DMD: variants seen among roughly 807,000 people sequenced by gnomAD.
The protein encoded by DMD is mutant dystrophin.
In DMD, 63 loss-of-function variants were observed where a neutral mutation model predicts 330.1. The ratio of observed to expected loss-of-function variants is 0.19; its 90% confidence interval spans 0.16 to 0.24. The LOEUF is 0.24. DMD is among the 10% of genes least tolerant of loss of function. DMD has a pLI of 1.00. For synonymous variants in DMD, 1,223 were observed against 959.8 expected (o/e 1.27, Z -5.07); for missense variants, 3,344 against 2,684.1 (o/e 1.25, Z -5.43).
intron 62 of DMD, among the ~76,000 whole-genome samples, chrX:31,306,852 T>C: frequency 8.9e-6 from 1 of 111,789 alleles, no homozygotes; most frequent in Non-Finnish European, 1.9e-5. Flanking sequence ...ATATTGCTGG[T>C]CTGGGATTCA....
chrX:32,448,323 C>A, intron 27 of DMD, 133 bp downstream of exon 27: 1 of 676,255 alleles, frequency 1.5e-6, no homozygotes, highest in Non-Finnish European at 2.3e-6. Context: ...CAAAGTCATA[C>A]AACTTATAAG....
chrX:32,578,754 T>C (rs910549960), intron 13 of DMD, among the ~76,000 whole-genome samples: 6 of 111,503 alleles, frequency 5.4e-5, no homozygotes, highest in Non-Finnish European at 9.4e-5. Flanking sequence ...CGTTAAGAGA[T>C]AGAGTGTTCC....
chrX:31,458,051 T>G (rs1341010928), intron 59 of DMD, among the ~76,000 whole-genome samples: 2 of 111,920 alleles, frequency 1.8e-5, no homozygotes, highest in Non-Finnish European at 1.9e-5. Context: ...AAAAGCAGGA[T>G]GTTCAACTAC....
At chrX:31,582,745 T>C (rs1264251137) in intron 55 of DMD, among the ~76,000 whole-genome samples, 2 of 111,913 alleles carry the variant, frequency 1.8e-5, no homozygotes, top group East Asian at 2.8e-4. Context: ...GATTTAAAAA[T>C]TTGCCAACGG....
chrX:32,900,344 G>A (rs944652586), intron 2 of DMD, among the ~76,000 whole-genome samples: 2 of 110,901 alleles, frequency 1.8e-5, no homozygotes, highest in African/African-American at 6.6e-5. Flanking sequence ...TCATATTCTA[G>A]TCAATTTTTC....
intron 47 of DMD, among the ~76,000 whole-genome samples, chrX:31,908,707 C>A (rs929460320): frequency 9.1e-6 from 1 of 109,947 alleles, no homozygotes; most frequent in Non-Finnish European, 1.9e-5. Context: ...CCTAGAACTT[C>A]AAGTATATAT....
chrX:32,229,932 A>G (rs1374367603), intron 43 of DMD, among the ~76,000 whole-genome samples: 1 of 107,433 alleles, frequency 9.3e-6, no homozygotes, highest in Non-Finnish European at 1.9e-5. Context: ...TGTATAATAG[A>G]TCTCCAGAAT....
At chrX:32,298,667 C>A (rs1292867029) in intron 42 of DMD, among the ~76,000 whole-genome samples, 5 of 110,402 alleles carry the variant, frequency 4.5e-5, no homozygotes, top group Non-Finnish European at 3.8e-5. Flanking sequence ...CTTCCAAACC[C>A]AACCCTGTAG....
At chrX:33,020,778 G>A (rs1037057010) in intron 1 of DMD, among the ~76,000 whole-genome samples, 2 of 111,443 alleles carry the variant, frequency 1.8e-5, no homozygotes, top group Non-Finnish European at 3.8e-5. Flanking sequence ...GTATTTATTC[G>A]CCAGTTATGA....
At chrX:32,074,761 A>G (rs972647957) in intron 44 of DMD, among the ~76,000 whole-genome samples, 3 of 98,557 alleles carry the variant, frequency 3.0e-5, no homozygotes, top group African/African-American at 4.1e-5. Flanking sequence ...AGCACGTACA[A>G]GGAGGTAAAA....
intron 73 of DMD, among the ~76,000 whole-genome samples, chrX:31,171,824 C>T (rs1602355832): frequency 8.9e-6 from 1 of 111,790 alleles, no homozygotes; most frequent in Non-Finnish European, 1.9e-5. Flanking sequence ...TCTGGAAACT[C>T]TTCATAAGAT....
intron 57 of DMD, among the ~76,000 whole-genome samples, chrX:31,482,569 AAAGT>A (rs2068394199): frequency 9.0e-6 from 1 of 111,370 alleles, no homozygotes; most frequent in Admixed American, 9.6e-5. Context: ...ACACAGAAGT[AAAGT>A]AAGATCAGCA....
intron 1 of DMD, among the ~76,000 whole-genome samples, chrX:33,250,031 T>C (rs940259485): frequency 9.6e-5 from 10 of 104,424 alleles, no homozygotes; most frequent in African/African-American, 3.6e-4. Context: ...TTTTGTGTTG[T>C]TGTGGTTCTT....
intron 48 of DMD, among the ~76,000 whole-genome samples, chrX:31,853,077 T>C (rs1603500133): frequency 8.9e-6 from 1 of 111,739 alleles, no homozygotes; most frequent in African/African-American, 3.3e-5. Flanking sequence ...ACAGACGGGG[T>C]TTTGCCATGT....
intron 2 of DMD, among the ~76,000 whole-genome samples, chrX:32,980,103 C>T (rs1447735860): frequency 9.1e-6 from 1 of 110,229 alleles, no homozygotes; most frequent in Non-Finnish European, 1.9e-5. Flanking sequence ...AGGTGGTTCA[C>T]GCCTGTAATC....
In DMD at chrX:32,717,888, C is replaced by A. The variant is rs1036658549; in HGVS notation, c.650-18595G>T. ...GGAGCTTTAAGATTTAATGACTACC[C>A]TGCTGGGTTTTGGACTTGCACAGGG... On this transcript the variant is annotated intron_variant, in intron 7 of 78. Coordinates refer to ENST00000357033, the MANE Select transcript of DMD (RefSeq NM_004006.3). Among the ~76,000 whole-genome samples, 4 of 111,584 alleles carry A rather than the reference C, an allele frequency of 3.6e-5. No homozygotes were observed. The South Asian group carries it at 1.1e-3, about 31-fold the overall frequency.
intron 43 of DMD, among the ~76,000 whole-genome samples, chrX:32,233,647 A>ATTTAT (rs1450844309): frequency 1.0e-5 from 1 of 100,411 alleles, no homozygotes; most frequent in Non-Finnish European, 2.0e-5. Context: ...TTATTTATTT[A>ATTTAT]TTGAGACGGA....
chrX:31,376,548 G>T (rs1420728960), intron 60 of DMD, among the ~76,000 whole-genome samples: 1 of 112,005 alleles, frequency 8.9e-6, no homozygotes, highest in Non-Finnish European at 1.9e-5. Context: ...AATATACAGA[G>T]TCAGGGTATG....
At position 33,042,785 on chromosome X, in the gene DMD, C is replaced by T. The variant is rs373247873; in HGVS notation, c.32-22585G>A. On this transcript the variant is annotated intron_variant, in intron 1 of 78. Coordinates refer to ENST00000357033, the MANE Select transcript of DMD (RefSeq NM_004006.3). Reference sequence around the variant, plus strand: ...TTTTTATTCTTTCTGCATTTTTCTTCTACTGTACAGTTGTTATTCATGCTA... The same window carrying T: ...TTTTTATTCTTTCTGCATTTTTCTTTTACTGTACAGTTGTTATTCATGCTA... Among the ~76,000 whole-genome samples, 11 of 111,954 alleles carry T rather than the reference C, an allele frequency of 9.8e-5. No individual in the cohort carries two copies. In the East Asian group the frequency reaches 2.8e-3, roughly 28 times the overall value.
Sources: gnomAD v4.1 joint callset for allele counts (sites outside exome capture counted in the v4.1 genomes callset) on GRCh38, gnomAD v4.1.1 for gene constraint, MANE v1.5 for transcripts, NCBI Gene and HGNC (gene_info 2026-07-23, HGNC 2026-07-21) for gene names.